The following ATP8B2 variants were observed in gnomAD, a reference collection of about 807,000 sequenced individuals.
ATP8B2 encodes the protein phospholipid-transporting ATPase ID.
In ATP8B2, 70 loss-of-function variants were observed where a neutral mutation model predicts 133.4. That is an observed-to-expected ratio of 0.52 (90% CI 0.43 to 0.64). ATP8B2 has a LOEUF of 0.64. Ranked by LOEUF, ATP8B2 falls within the 30% of genes least tolerant of loss-of-function variation. The pLI, the probability that ATP8B2 is intolerant of heterozygous loss-of-function variation, is 0.00. For missense variants in ATP8B2, 1,101 were observed against 1,535.7 expected (o/e 0.72, Z 4.73); for synonymous variants, 517 against 589.5 (o/e 0.88, Z 1.78).
Position 154,328,925 on chromosome 1 carries a change from C to T in ATP8B2, c.31+753C>T. 7.8e-7 allele frequency: 1 copy of T among 1,284,926 alleles called. No homozygotes were observed. The highest frequency in any genetic ancestry group is 2.4e-5 in the Admixed American group (1 of 41,862). 79.6% of individuals were successfully genotyped at this position (1,284,926 alleles called of 1,614,324 possible). A position where few individuals can be genotyped will look rare whatever the true frequency, so the allele number is the denominator to read the frequency against. The stretch of plus-strand genomic sequence containing the variant: ...CCTGCACCTCCCCGGGGAGCCGCCC[C>T]GTCGATGCCACTAAGGCCAAGGACA... On this transcript the variant is annotated intron_variant, in intron 2 of 27. Coordinates refer to ENST00000368489, the MANE Select transcript of ATP8B2 (RefSeq NM_001370597.1). This position sits in a 1 kb window ranked among gnomAD's most constrained non-coding sequence, Gnocchi z 4.6.
At position 154,330,426 on chromosome 1, in the gene ATP8B2, G is replaced by A. The variant is rs149978531; in HGVS notation, c.62G>A (p.Arg21Gln). The stretch of plus-strand genomic sequence containing the variant: ...GAAAGGAGGGCGCGGGCTAATGACC[G>A]AGAATACAATGAGAAATTCCAGTAT... ...EEERRARAND[R>Q]EYNEKFQYAS... The change falls in exon 3 of 28, where the codon CGA (arginine) becomes CAA (glutamine). Residue 21 changes from arginine to glutamine, a missense_variant. Coordinates refer to ENST00000368489, the MANE Select transcript of ATP8B2 (RefSeq NM_001370597.1). The A allele has an allele frequency of 4.3e-5, 70 of 1,611,006 alleles. No homozygotes were observed. The African/African-American group carries it at 7.8e-4, about 18-fold the overall frequency.
chr1:154,328,133 C>A lies in ATP8B2; in HGVS notation c.-9C>A. ...CTCCCATGGGATTGCTGGGATCTTG[C>A]TGGGTGAGATGGCAGTGTGTGCAAA... On this transcript the variant is annotated 5_prime_UTR_variant, in exon 2 of 28. It adds an upstream start codon to the 5' untranslated region. Coordinates refer to ENST00000368489, the MANE Select transcript of ATP8B2 (RefSeq NM_001370597.1). This position sits in a 1 kb window ranked among gnomAD's most constrained non-coding sequence, Gnocchi z 4.6. 1 of 1,614,074 alleles carries A rather than the reference C, an allele frequency of 6.2e-7. No individual in the cohort carries two copies. Among genetic ancestry groups the A allele is most frequent in the Non-Finnish European group, 8.5e-7 (1 of 1,179,996 alleles).
chr1:154,349,213 C>A lies in ATP8B2; in HGVS notation c.*95C>A. The A allele has an allele frequency of 6.9e-7, 1 of 1,458,154 alleles. No individual in the cohort carries two copies. Among genetic ancestry groups the A allele is most frequent in the African/African-American group, 1.4e-5 (1 of 71,246 alleles). The allele number at this position is 1,458,154 out of a possible 1,614,324, so 90.3% of individuals were successfully genotyped here. A position where few individuals can be genotyped will look rare whatever the true frequency, so the allele number is the denominator to read the frequency against. On this transcript the variant is annotated 3_prime_UTR_variant, in exon 28 of 28. Transcript: ENST00000368489. ...GTCTCGGAACTGCTGGTCCTCATTC[C>A]TTGCTTCCCGTCCCCCCGGTAGACT...
At chr1:154,337,774 C>T (rs1686241405) in intron 12 of ATP8B2, 2 of 1,459,106 alleles carry the variant, frequency 1.4e-6, no homozygotes, top group South Asian at 1.5e-5. Context: ...TTATTCAGCA[C>T]CTATTTATTA....
At chr1:154,330,983 A>G (rs1244988407) in intron 4 of ATP8B2, 55 bp downstream of exon 4, 2 of 1,601,192 alleles carry the variant, frequency 1.2e-6, no homozygotes, top group African/African-American at 2.7e-5. Flanking sequence ...AAAGCCAAGG[A>G]AGAGGAAAGG....
rs1401354173 is a variant in ATP8B2, at chr1:154,328,997, C to T, written c.31+825C>T. 1 of 1,304,068 alleles carries T rather than the reference C, an allele frequency of 7.7e-7. No homozygotes were observed. The highest frequency in any genetic ancestry group is 1.0e-6 in the Non-Finnish European group (1 of 988,862). The allele number at this position is 1,304,068 out of a possible 1,614,324, so 80.8% of individuals were successfully genotyped here. A position where few individuals can be genotyped will look rare whatever the true frequency, so the allele number is the denominator to read the frequency against. On this transcript the variant is annotated intron_variant, in intron 2 of 27. Transcript: ENST00000368489. The surrounding 1 kb of genome is among the most constrained non-coding windows in gnomAD (Gnocchi z 4.6). Reference sequence around the variant, plus strand: ...CACTCAAACCGGGATCATGACGGTCCCCAAGGAGATGCCCGAGAAGTGGGC... The same window carrying T: ...CACTCAAACCGGGATCATGACGGTCTCCAAGGAGATGCCCGAGAAGTGGGC...
At position 154,346,819 on chromosome 1, in the gene ATP8B2, A is replaced by T; in HGVS notation, c.3163+61A>T. 1 of 1,560,364 alleles carries T rather than the reference A, an allele frequency of 6.4e-7. No homozygotes were observed. Among genetic ancestry groups the T allele is most frequent in the South Asian group, 1.1e-5 (1 of 87,404 alleles). The stretch of plus-strand genomic sequence containing the variant: ...TCACAGCTGTTCTGGGACTAACAGG[A>T]CCATCAGCTAATCTGCACATTCAAC... On this transcript the variant is annotated intron_variant, in intron 26 of 27. Transcript: ENST00000368489. This position sits in a 1 kb window ranked among gnomAD's most constrained non-coding sequence, Gnocchi z 4.5.
In ATP8B2 at chr1:154,328,876, G is replaced by T. The variant is rs1216100080; in HGVS notation, c.31+704G>T. 35 of 1,208,086 alleles carry T rather than the reference G, an allele frequency of 2.9e-5. No individual in the cohort carries two copies. The Admixed American group carries it at 3.4e-4, about 12-fold the overall frequency. 74.8% of individuals were successfully genotyped at this position (1,208,086 alleles called of 1,614,324 possible). A position where few individuals can be genotyped will look rare whatever the true frequency, so the allele number is the denominator to read the frequency against. On this transcript the variant is annotated intron_variant, in intron 2 of 27. Transcript: ENST00000368489. The surrounding 1 kb of genome is among the most constrained non-coding windows in gnomAD (Gnocchi z 4.6). ...GTGGGGCGCGCGCCCGACGGCTGGGGCTCCCCTCTGAGCGGCTGCGGCTCC... is the reference window on the plus strand; with the variant it reads ...GTGGGGCGCGCGCCCGACGGCTGGGTCTCCCCTCTGAGCGGCTGCGGCTCC...
rs769260588 is a variant in ATP8B2, at chr1:154,343,855, C to T, written c.1759-38C>T. 6.4e-7 allele frequency: 1 copy of T among 1,573,178 alleles called. No individual in the cohort carries two copies. The highest frequency in any genetic ancestry group is 1.4e-5 in the African/African-American group (1 of 73,814). ...GCCCTCACGCTGTCCATTAGCTCTC[C>T]AGACTTACCCAGGTGTGCCTTTCCA... On this transcript the variant is annotated intron_variant, in intron 17 of 27. Coordinates refer to ENST00000368489, the MANE Select transcript of ATP8B2 (RefSeq NM_001370597.1). The surrounding 1 kb of genome is among the most constrained non-coding windows in gnomAD (Gnocchi z 5.8).
chr1:154,346,280 G>A lies in ATP8B2; in HGVS notation c.2828G>A (p.Gly943Asp). 1 of 1,614,188 alleles carries A rather than the reference G, an allele frequency of 6.2e-7. No homozygotes were observed. Among genetic ancestry groups the A allele is most frequent in the South Asian group, 1.1e-5 (1 of 91,082 alleles). ...GAGTACCCTAAGCTGTATGAGCCGG[G>A]CCAGCTGAACCTTCTCTTCAACAAG... ...SMEYPKLYEP[G>D]QLNLLFNKRE... The change falls in exon 25 of 28, where the codon GGC becomes GAC. Residue 943 changes from glycine to aspartate, a missense_variant. By Grantham distance (94) the Gly-to-Asp change is moderately conservative. Coordinates refer to ENST00000368489, the MANE Select transcript of ATP8B2 (RefSeq NM_001370597.1). This position sits in a 1 kb window ranked among gnomAD's most constrained non-coding sequence, Gnocchi z 4.5.
Position 154,337,478 on chromosome 1 carries a change from G to A in ATP8B2, c.968G>A (p.Gly323Asp), listed in dbSNP as rs367932882. The change falls in exon 12 of 28, where the codon GGC (glycine) becomes GAC (aspartate). Residue 323 changes from glycine (G) to aspartate (D), a missense_variant. Coordinates refer to ENST00000368489, the MANE Select transcript of ATP8B2 (RefSeq NM_001370597.1). ...GCAGTGGACAGTGCCTTCTTCTCTG[G>A]CTTCCTCTCCTTCTGGTCCTACATC... ...DEAVDSAFFS[G>D]FLSFWSYIII... 14 of 1,614,132 alleles carry A rather than the reference G, an allele frequency of 8.7e-6. No homozygotes were observed. Among genetic ancestry groups the A allele is most frequent in the Non-Finnish European group, 1.2e-5 (14 of 1,180,024 alleles).
Position 154,334,695 on chromosome 1 carries a change from T to A in ATP8B2, c.837+104T>A. The A allele has an allele frequency of 2.1e-6, 2 of 945,904 alleles. No homozygotes were observed. Among genetic ancestry groups the A allele is most frequent in the Non-Finnish European group, 3.2e-6 (2 of 621,920 alleles). 58.6% of individuals were successfully genotyped at this position (945,904 alleles called of 1,614,324 possible). ...TTGGTCAGTAGACTTCAGGTTTGGCTTTAAAGCTGCTAGCAGGTCAGCTAC... is the reference window on the plus strand; with the variant it reads ...TTGGTCAGTAGACTTCAGGTTTGGCATTAAAGCTGCTAGCAGGTCAGCTAC... On this transcript the variant is annotated intron_variant, in intron 11 of 27. Coordinates refer to ENST00000368489, the MANE Select transcript of ATP8B2 (RefSeq NM_001370597.1). This position sits in a 1 kb window ranked among gnomAD's most constrained non-coding sequence, Gnocchi z 4.6.
chr1:154,337,242 A>G (rs1342425840), intron 11 of ATP8B2, 106 bp from the exon 12 acceptor site: 12 of 1,331,992 alleles, frequency 9.0e-6, no homozygotes, highest in Non-Finnish European at 1.2e-5. Flanking sequence ...CTTGCACTAG[A>G]GCATCTGAGC....
intron 8 of ATP8B2, 91 bp downstream of exon 8, chr1:154,332,115 G>C: frequency 7.3e-7 from 1 of 1,373,620 alleles, no homozygotes; most frequent in Non-Finnish European, 1.0e-6. Context: ...CCTGGGCTCT[G>C]TCTGAATTTG....
Position 154,344,142 on chromosome 1 carries a change from G to T in ATP8B2, c.1924-1G>T. The T allele has an allele frequency of 6.2e-7, 1 of 1,614,238 alleles. No individual in the cohort carries two copies. Among genetic ancestry groups the T allele is most frequent in the Non-Finnish European group, 8.5e-7 (1 of 1,180,044 alleles). On this transcript the variant is annotated splice_acceptor_variant, in intron 18 of 27. Coordinates refer to ENST00000368489, the MANE Select transcript of ATP8B2 (RefSeq NM_001370597.1). LOFTEE classifies it high-confidence loss of function. The surrounding 1 kb of genome is among the most constrained non-coding windows in gnomAD (Gnocchi z 4.1). ...GCCAGGAATCCTTGTGGTATTTTCA[G>T]CTGCTGGGTGCAACGGCCATTGAGG...
At position 154,345,638 on chromosome 1, in the gene ATP8B2, C is replaced by A; in HGVS notation, c.2694+93C>A. 1 of 1,359,094 alleles carries A rather than the reference C, an allele frequency of 7.4e-7. No individual in the cohort carries two copies. 84.2% of individuals were successfully genotyped at this position (1,359,094 alleles called of 1,614,324 possible). A position where few individuals can be genotyped will look rare whatever the true frequency, so the allele number is the denominator to read the frequency against. On this transcript the variant is annotated intron_variant, in intron 23 of 27. Coordinates refer to ENST00000368489, the MANE Select transcript of ATP8B2 (RefSeq NM_001370597.1). This position sits in a 1 kb window ranked among gnomAD's most constrained non-coding sequence, Gnocchi z 5.6. ...TATCACTCAGTCCCCCAGGGCCTAG[C>A]TATTTTCTGGTACATACTCTTAAAA...
chr1:154,332,074 A>G (rs1472545754), intron 8 of ATP8B2, 50 bp downstream of exon 8: 4 of 1,574,146 alleles, frequency 2.5e-6, no homozygotes, highest in Non-Finnish European at 2.6e-6. Flanking sequence ...CTTTGGAGGT[A>G]AAAAGATTGT....
chr1:154,338,239 T>A (rs1686257622), intron 12 of ATP8B2, among the ~76,000 whole-genome samples: 1 of 152,086 alleles, frequency 6.6e-6, no homozygotes, highest in African/African-American at 2.4e-5. Flanking sequence ...GATGGGAGCC[T>A]GGGAATGGCC....
Position 154,344,744 on chromosome 1 carries a change from G to A in ATP8B2, c.2245G>A (p.Val749Ile), listed in dbSNP as rs753821662. 1.1e-5 allele frequency: 18 copies of A among 1,609,074 alleles called. No individual in the cohort carries two copies. Among genetic ancestry groups the A allele is most frequent in the Admixed American group, 5.0e-5 (3 of 59,904 alleles). Reference sequence around the variant, plus strand: ...CAAGCTAACTTCTGTCCTGGAGGCCGTTGCTGGGGAGTACGCCCTGGTCAT... The same window carrying A: ...CAAGCTAACTTCTGTCCTGGAGGCCATTGCTGGGGAGTACGCCCTGGTCAT... ...SSKLTSVLEA[V>I]AGEYALVING... The change falls in exon 21 of 28, where the codon GTT becomes ATT. Residue 749 changes from valine to isoleucine, a missense_variant. Val to Ile is a conservative substitution (Grantham distance 29). Coordinates refer to ENST00000368489, the MANE Select transcript of ATP8B2 (RefSeq NM_001370597.1). This position sits in a 1 kb window ranked among gnomAD's most constrained non-coding sequence, Gnocchi z 4.1.
Sources: gnomAD v4.1 joint callset for allele counts (sites outside exome capture counted in the v4.1 genomes callset) on GRCh38, gnomAD v4.1.1 for gene constraint, Gnocchi (gnomAD v3.1) non-coding constraint, MANE v1.5 for transcripts, NCBI Gene and HGNC (gene_info 2026-07-23, HGNC 2026-07-21) for gene names.